The following STAMBPL1 variants were observed in gnomAD, a reference collection of about 807,000 sequenced individuals.
The protein encoded by STAMBPL1 is AMSH-like protease.
STAMBPL1 carries 44 observed loss-of-function variants against 52.9 expected under a neutral mutation model. The observed-to-expected ratio is 0.83, with a 90% confidence interval of 0.65 to 1.07. The LOEUF (loss-of-function observed/expected upper bound fraction) is 1.07, where lower values mean the gene tolerates loss of function less well. STAMBPL1 is among the 50% of genes least tolerant of loss of function. The pLI is 0.00. For synonymous variants in STAMBPL1, 164 were observed against 177.3 expected, an observed-to-expected ratio of 0.92 and a Z score of 0.60; for missense variants, 511 against 520.8, an observed-to-expected ratio of 0.98 and a Z score of 0.18.
intron 1 of STAMBPL1, among the ~76,000 whole-genome samples, chr10:88,883,210 C>A (rs1844450985): frequency 6.6e-6 from 1 of 152,014 alleles, no homozygotes; most frequent in Non-Finnish European, 1.5e-5. Flanking sequence ...TACTACATCA[C>A]CTCTTCTGCT....
At chr10:88,894,771 G>T (rs866562793) in intron 1 of STAMBPL1, among the ~76,000 whole-genome samples, 1 of 152,018 alleles carries the variant, frequency 6.6e-6, no homozygotes, top group Non-Finnish European at 1.5e-5. Flanking sequence ...TGAAGAAAGG[G>T]TTAATGTTTC....
In STAMBPL1 at chr10:88,923,262, T is replaced by C; in HGVS notation, c.*38T>C. 1 of 1,565,058 alleles carries C rather than the reference T, an allele frequency of 6.4e-7. No individual in the cohort carries two copies. The highest frequency in any genetic ancestry group is 8.6e-7 in the Non-Finnish European group (1 of 1,162,846). On this transcript the variant is annotated 3_prime_UTR_variant, in exon 11 of 11. Coordinates refer to ENST00000371926, the MANE Select transcript of STAMBPL1 (RefSeq NM_020799.4). Reference sequence around the variant, plus strand: ...GTAAGCACCGTCAACATCAGACACCTACTCATGGACATGTGGTTGCCGGAT... The same window carrying C: ...GTAAGCACCGTCAACATCAGACACCCACTCATGGACATGTGGTTGCCGGAT...
At position 88,914,732 on chromosome 10, in the gene STAMBPL1, T is replaced by C. The variant is rs568514318; in HGVS notation, c.903+74T>C. The C allele has an allele frequency of 1.2e-5, 8 of 657,412 alleles. No homozygotes were observed. In the African/African-American group the frequency reaches 1.3e-4, roughly 11 times the overall value. The allele number at this position is 657,412 out of a possible 1,614,324, so 40.7% of individuals were successfully genotyped here. ...ACTTTTAATAGTACTAGATTTCTTC[T>C]GATAAGTGGAACAGAATAAAACCAT... is the stretch of plus-strand genomic sequence containing the variant. On this transcript the variant is annotated intron_variant, in intron 7 of 10. Transcript: ENST00000371926.
At chr10:88,900,296 A>T (rs749857874) in intron 1 of STAMBPL1, among the ~76,000 whole-genome samples, 1 of 152,194 alleles carries the variant, frequency 6.6e-6, no homozygotes, top group African/African-American at 2.4e-5. Context: ...CTAAGTGAGG[A>T]ACTGAGGAGA....
chr10:88,908,668 A>G, intron 3 of STAMBPL1, 34 bp from the exon 4 acceptor site: 1 of 1,561,106 alleles, frequency 6.4e-7, no homozygotes, highest in Non-Finnish European at 8.7e-7. Flanking sequence ...TTTTGCTGTC[A>G]CATAATGCTA....
Position 88,912,941 on chromosome 10 carries a change from C to G in STAMBPL1, c.421-160C>G, listed in dbSNP as rs1356313412. 8 of 690,164 alleles carry G rather than the reference C, an allele frequency of 1.2e-5. 1 individual carries two copies. The South Asian group carries it at 1.4e-4, about 12-fold the overall frequency. The allele number at this position is 690,164 out of a possible 1,614,324, so 42.8% of individuals were successfully genotyped here. On this transcript the variant is annotated intron_variant, in intron 5 of 10. Transcript: ENST00000371926. ...TTAATCAGATCAAGGGGCTTTTGCC[C>G]TGATGTTATGTATTTCTCTCACTGT...
intron 8 of STAMBPL1, 116 bp from the exon 9 acceptor site, chr10:88,921,166 TC>T (rs1324790113): frequency 4.1e-6 from 3 of 727,908 alleles, no homozygotes; most frequent in African/African-American, 3.6e-5. Context: ...TTTTTAAAAA[TC>T]CTTATTTGAT....
intron 1 of STAMBPL1, among the ~76,000 whole-genome samples, chr10:88,890,564 G>A (rs1844653694): frequency 6.6e-6 from 1 of 152,170 alleles, no homozygotes. Context: ...TAAGGGAAGG[G>A]GTAGGTGCAG....
intron 1 of STAMBPL1, among the ~76,000 whole-genome samples, chr10:88,890,199 G>C (rs1030451026): frequency 1.3e-5 from 2 of 152,202 alleles, no homozygotes; most frequent in African/African-American, 2.4e-5. Context: ...GTGAAAGAAG[G>C]CTCTAAGGAG....
intron 1 of STAMBPL1, among the ~76,000 whole-genome samples, chr10:88,886,619 G>C (rs1844541039): frequency 6.6e-6 from 1 of 152,048 alleles, no homozygotes; most frequent in Admixed American, 6.6e-5. Context: ...ACTGTTAAGA[G>C]GCCCATCAGG....
intron 4 of STAMBPL1, among the ~76,000 whole-genome samples, chr10:88,909,587 G>T (rs560497122): frequency 2.6e-5 from 4 of 152,008 alleles, no homozygotes; most frequent in Non-Finnish European, 5.9e-5. Flanking sequence ...TTGTCAAATG[G>T]TCATCTACAT....
chr10:88,918,557 G>A (rs1248308613), intron 8 of STAMBPL1, among the ~76,000 whole-genome samples: 1 of 152,070 alleles, frequency 6.6e-6, no homozygotes, highest in African/African-American at 2.4e-5. Flanking sequence ...CCTGTCAAAT[G>A]CAAGAAATTA....
At chr10:88,884,500 A>G (rs1483947204) in intron 1 of STAMBPL1, among the ~76,000 whole-genome samples, 1 of 152,212 alleles carries the variant, frequency 6.6e-6, no homozygotes, top group Non-Finnish European at 1.5e-5. Flanking sequence ...GCAATAATCC[A>G]GTGTCTGATG....
At chr10:88,882,441 T>C (rs907212288) in intron 1 of STAMBPL1, 6 of 152,356 alleles carry the variant, frequency 3.9e-5, no homozygotes, top group African/African-American at 1.4e-4. Flanking sequence ...TTAACACCGT[T>C]TGATCATTTC....
At chr10:88,912,190 AC>A (rs1476133890) in intron 5 of STAMBPL1, among the ~76,000 whole-genome samples, 1 of 152,082 alleles carries the variant, frequency 6.6e-6, no homozygotes, top group Non-Finnish European at 1.5e-5. Flanking sequence ...CTCAGGCCCC[AC>A]CCCAGACCTG....
chr10:88,920,971 C>A (rs1845495673), intron 8 of STAMBPL1, among the ~76,000 whole-genome samples: 1 of 152,086 alleles, frequency 6.6e-6, no homozygotes, highest in Non-Finnish European at 1.5e-5. Flanking sequence ...AAATAAGTAT[C>A]TCATAAATGA....
At chr10:88,899,916 C>T (rs532637746) in intron 1 of STAMBPL1, among the ~76,000 whole-genome samples, 7 of 152,294 alleles carry the variant, frequency 4.6e-5, no homozygotes, top group South Asian at 4.1e-4. Context: ...GTCTTTTTAA[C>T]GCTTTTAACG....
chr10:88,919,806 C>A (rs1845461908), intron 8 of STAMBPL1, among the ~76,000 whole-genome samples: 1 of 150,476 alleles, frequency 6.6e-6, no homozygotes, highest in Admixed American at 6.6e-5. Context: ...ATTTTACCTT[C>A]ATTCTATTAA....
At position 88,912,107 on chromosome 10, in the gene STAMBPL1, T is replaced by C. The variant is rs188444140; in HGVS notation, c.421-994T>C. 4.8e-3 allele frequency among the ~76,000 whole-genome samples: 737 copies of C among 152,284 alleles called. 3 individuals carry two copies. Among genetic ancestry groups the C allele is most frequent in the South Asian group, 0.018 (88 of 4,822 alleles). ...ATAGCAGGACTGAGCCTAGGAGAGA[T>C]AAACAGCAATGCCTGTGAGCCCTTG... On this transcript the variant is annotated intron_variant, in intron 5 of 10. Coordinates refer to ENST00000371926, the MANE Select transcript of STAMBPL1 (RefSeq NM_020799.4).
Sources: allele counts gnomAD v4.1 joint callset (sites outside exome capture counted in the v4.1 genomes callset), GRCh38; gene constraint gnomAD v4.1.1; transcripts MANE v1.5; gene names NCBI Gene and HGNC (gene_info 2026-07-23, HGNC 2026-07-21).